Variants in DYNLT2B observed in about 807,000 individuals in gnomAD.
DYNLT2B encodes dynein light chain Tctex-type protein 2B.
DYNLT2B carries 14 observed loss-of-function variants against 19.5 expected under a neutral mutation model. That is an observed-to-expected ratio of 0.72 (90% CI 0.47 to 1.12). The LOEUF (loss-of-function observed/expected upper bound fraction) is 1.12. DYNLT2B is among the 50% of genes most tolerant of loss of function. DYNLT2B has a pLI of 0.00. For missense variants in DYNLT2B, 133 were observed against 174.7 expected (o/e 0.76, Z 1.35); for synonymous variants, 70 against 59.7 (o/e 1.17, Z -0.79).
chr3:196,314,041 T>C (rs1165420951), intron 2 of DYNLT2B, among the ~76,000 whole-genome samples: 1 of 152,002 alleles, frequency 6.6e-6, no homozygotes, highest in African/African-American at 2.4e-5. Context: ...GAGATTGCAG[T>C]GAGCCAAGAT....
At chr3:196,301,637 T>C (rs11914521) in intron 3 of DYNLT2B, among the ~76,000 whole-genome samples, 48,519 of 151,764 alleles carry the variant, frequency 0.32, 8,852 homozygotes, top group East Asian at 0.83. Flanking sequence ...TGCTTGAACC[T>C]GGAAGGTGGA....
At chr3:196,303,122 C>G (rs1448060533) in intron 3 of DYNLT2B, among the ~76,000 whole-genome samples, 1 of 151,998 alleles carries the variant, frequency 6.6e-6, no homozygotes, top group African/African-American at 2.4e-5. Context: ...ACTGGCTCAT[C>G]TGATCTTGTG....
At chr3:196,294,799 G>A (rs766716216) in intron 4 of DYNLT2B, among the ~76,000 whole-genome samples, 3 of 151,866 alleles carry the variant, frequency 2.0e-5, no homozygotes, top group South Asian at 2.1e-4. Context: ...GCAGTGGTGC[G>A]ATCTCAGCTC....
intron 4 of DYNLT2B, among the ~76,000 whole-genome samples, chr3:196,293,610 A>C (rs1445594794): frequency 6.7e-6 from 1 of 148,728 alleles, no homozygotes; most frequent in Non-Finnish European, 1.5e-5. Flanking sequence ...TAGGTGACAG[A>C]GTGAGACTCC....
Position 196,318,222 on chromosome 3 carries a change from G to GA in DYNLT2B, c.-71_-70insT, listed in dbSNP as rs1230091662. On this transcript the variant is annotated 5_prime_UTR_variant, in exon 1 of 5. Coordinates refer to ENST00000325318, the MANE Select transcript of DYNLT2B (RefSeq NM_152773.5). ...CGGGTTGCGGTCGCGGCCGGCAGCAGGGAAAGCGTCTCCAGGGCAACAGGG... is the reference window on the plus strand; with the variant it reads ...CGGGTTGCGGTCGCGGCCGGCAGCAGAGGAAAGCGTCTCCAGGGCAACAGGG... The GA allele has an allele frequency of 2.2e-6, 2 of 899,004 alleles. No individual in the cohort carries two copies. The highest frequency in any genetic ancestry group is 3.5e-5 in the African/African-American group (2 of 56,814). 55.7% of individuals were successfully genotyped at this position (899,004 alleles called of 1,614,324 possible).
intron 4 of DYNLT2B, among the ~76,000 whole-genome samples, chr3:196,293,889 C>T (rs916147569): frequency 4.0e-5 from 6 of 150,918 alleles, no homozygotes; most frequent in Middle Eastern, 3.4e-3. Context: ...ATGATCCGCC[C>T]GCCTCGGCCT....
chr3:196,298,271 CA>C (rs1406245561), intron 3 of DYNLT2B: 1 of 185,886 alleles, frequency 5.4e-6, no homozygotes, highest in East Asian at 1.4e-4. Context: ...TTTTTTGAGA[CA>C]AAAATATAAA....
At chr3:196,304,607 C>T (rs1256444446) in intron 3 of DYNLT2B, among the ~76,000 whole-genome samples, 1 of 151,720 alleles carries the variant, frequency 6.6e-6, no homozygotes, top group Non-Finnish European at 1.5e-5. Flanking sequence ...AGGAGAATCT[C>T]TTGAACCTGG....
intron 1 of DYNLT2B, among the ~76,000 whole-genome samples, chr3:196,317,042 GTGT>G (rs1414704959): frequency 2.5e-5 from 3 of 121,470 alleles, no homozygotes; most frequent in African/African-American, 9.7e-5. Context: ...GTGTGTGTGT[GTGT>G]TGTGTGGTGT....
At chr3:196,291,446 C>A (rs969834119) in intron 4 of DYNLT2B, 72 bp from the exon 5 acceptor site, 3 of 1,457,280 alleles carry the variant, frequency 2.1e-6, no homozygotes, top group African/African-American at 2.9e-5. Flanking sequence ...GCAGCACAGG[C>A]AACTGAAACT....
chr3:196,296,791 G>A (rs1726233673), intron 3 of DYNLT2B, among the ~76,000 whole-genome samples: 1 of 152,164 alleles, frequency 6.6e-6, no homozygotes, highest in Non-Finnish European at 1.5e-5. Flanking sequence ...ACGTGTCCCT[G>A]TAGTCCCAGC....
In DYNLT2B at chr3:196,318,224, G is replaced by A. The variant is rs1726948376; in HGVS notation, c.-72C>T. ...GGTTGCGGTCGCGGCCGGCAGCAGGGAAAGCGTCTCCAGGGCAACAGGGCC... is the reference window on the plus strand; with the variant it reads ...GGTTGCGGTCGCGGCCGGCAGCAGGAAAAGCGTCTCCAGGGCAACAGGGCC... On this transcript the variant is annotated 5_prime_UTR_variant, in exon 1 of 5. Transcript: ENST00000325318. 7.9e-6 allele frequency: 7 copies of A among 880,710 alleles called. No homozygotes were observed. Among genetic ancestry groups the A allele is most frequent in the South Asian group, 3.9e-5 (2 of 50,756 alleles). 54.6% of individuals were successfully genotyped at this position (880,710 alleles called of 1,614,324 possible).
chr3:196,306,082 G>A (rs1726476624), intron 3 of DYNLT2B, among the ~76,000 whole-genome samples: 1 of 151,966 alleles, frequency 6.6e-6, no homozygotes, highest in Non-Finnish European at 1.5e-5. Context: ...GCAATGTGTG[G>A]ACCTTGTTTG....
chr3:196,318,174 C>A lies in DYNLT2B; in HGVS notation c.-22G>T, dbSNP rs1211961605. The A allele has an allele frequency of 9.8e-6, 14 of 1,429,450 alleles. No individual in the cohort carries two copies. Among genetic ancestry groups the A allele is most frequent in the Non-Finnish European group, 1.3e-5 (14 of 1,074,870 alleles). The allele number at this position is 1,429,450 out of a possible 1,614,324, so 88.5% of individuals were successfully genotyped here. The stretch of plus-strand genomic sequence containing the variant: ...CCATGCCGGGGCTTCTCGGTCCGGG[C>A]GTAGCTCGCGATGAAGGCCTAGCGG... On this transcript the variant is annotated 5_prime_UTR_variant, in exon 1 of 5. Transcript: ENST00000325318.
At chr3:196,315,591 G>A (rs921271731) in intron 2 of DYNLT2B, among the ~76,000 whole-genome samples, 2 of 151,690 alleles carry the variant, frequency 1.3e-5, no homozygotes, top group Admixed American at 1.3e-4. Context: ...ACATGAGGTC[G>A]GCTGGGCGCG....
At chr3:196,292,461 C>T (rs1726114759) in intron 4 of DYNLT2B, 1 of 152,178 alleles carries the variant, frequency 6.6e-6, no homozygotes. Context: ...TTGTTTTTAA[C>T]TTCCGGTCCT....
At chr3:196,301,479 G>A (rs1001443065) in intron 3 of DYNLT2B, among the ~76,000 whole-genome samples, 1 of 152,194 alleles carries the variant, frequency 6.6e-6, no homozygotes, top group Non-Finnish European at 1.5e-5. Context: ...CTGGGAGGCT[G>A]AGCGGGGCAG....
intron 3 of DYNLT2B, among the ~76,000 whole-genome samples, chr3:196,299,238 C>T (rs1348497190): frequency 1.3e-5 from 2 of 152,092 alleles, no homozygotes; most frequent in South Asian, 2.1e-4. Flanking sequence ...GCACCCACCA[C>T]CACGCCCGGC....
intron 1 of DYNLT2B, 69 bp from the exon 2 acceptor site, chr3:196,316,300 T>G: frequency 6.7e-7 from 1 of 1,495,424 alleles, no homozygotes; most frequent in Non-Finnish European, 9.0e-7. Context: ...ATACCGCAAC[T>G]TCTCCCATCT....
Sources: gnomAD v4.1 joint callset for allele counts (sites outside exome capture counted in the v4.1 genomes callset) on GRCh38, gnomAD v4.1.1 for gene constraint, MANE v1.5 for transcripts, NCBI Gene and HGNC (gene_info 2026-07-23, HGNC 2026-07-21) for gene names.